Variants in IL20RB observed in about 807,000 individuals in gnomAD.
The protein encoded by IL20RB is interleukin-20 receptor subunit beta.
In IL20RB, 21 loss-of-function variants were observed where a neutral mutation model predicts 33.3. The ratio of observed to expected loss-of-function variants is 0.63; its 90% CI spans 0.45 to 0.91. IL20RB has a LOEUF of 0.91. Among genes scored for constraint, IL20RB ranks in the 40% least tolerant of loss-of-function variants. The probability of loss-of-function intolerance (pLI) is 0.00; values close to 1 mark genes in which losing one functional copy is unlikely to be tolerated. For synonymous variants in IL20RB, 147 were observed against 146.8 expected (o/e 1.00, Z -0.01); for missense variants, 345 against 384.8 (o/e 0.90, Z 0.86).
intron 1 of IL20RB, among the ~76,000 whole-genome samples, chr3:136,973,220 G>A (rs974089216): frequency 3.3e-5 from 5 of 151,660 alleles, no homozygotes; most frequent in South Asian, 2.1e-4. Context: ...AGTGTCTCAC[G>A]CCTGTAATCC....
chr3:136,975,433 G>A (rs997781421), intron 1 of IL20RB, among the ~76,000 whole-genome samples: 1 of 152,048 alleles, frequency 6.6e-6, no homozygotes, highest in Non-Finnish European at 1.5e-5. Context: ...CTGCCTTCCG[G>A]GTTCAAGCAA....
intron 6 of IL20RB, among the ~76,000 whole-genome samples, chr3:137,000,163 T>C (rs1279406781): frequency 1.3e-5 from 2 of 152,216 alleles, no homozygotes; most frequent in East Asian, 3.9e-4. Flanking sequence ...TTTGCTTTAG[T>C]AAGCAGTTAG....
intron 1 of IL20RB, among the ~76,000 whole-genome samples, chr3:136,962,815 G>C (rs1941259392): frequency 6.9e-6 from 1 of 144,594 alleles, no homozygotes; most frequent in Admixed American, 7.1e-5. Context: ...CAGTTTGGAG[G>C]AGACTAACTA....
In IL20RB at chr3:137,010,980, C is replaced by A. The variant is rs1933087523; in HGVS notation, c.*757C>A. ...GTATGTGTGCAATGCGACGAGAATG[C>A]AGAAGTCAGTAACATGTGCATGTTT... On this transcript the variant is annotated 3_prime_UTR_variant, in exon 7 of 7. Coordinates refer to ENST00000329582, the MANE Select transcript of IL20RB (RefSeq NM_144717.4). 6.6e-6 allele frequency: 1 copy of A among 152,240 alleles called. No homozygotes were observed. The highest frequency in any genetic ancestry group is 1.5e-5 in the Non-Finnish European group (1 of 68,052). The allele number at this position is 152,240 out of a possible 1,614,324, so 9.4% of individuals were successfully genotyped here. A position where few individuals can be genotyped will look rare whatever the true frequency, so the allele number is the denominator to read the frequency against.
At chr3:136,961,844 A>G (rs895539313) in intron 1 of IL20RB, among the ~76,000 whole-genome samples, 1 of 152,156 alleles carries the variant, frequency 6.6e-6, no homozygotes, top group Non-Finnish European at 1.5e-5. Flanking sequence ...CTGTAAATCT[A>G]AAATTATTCC....
chr3:136,996,196 A>G (rs1002389845), intron 6 of IL20RB, among the ~76,000 whole-genome samples: 5 of 152,072 alleles, frequency 3.3e-5, no homozygotes, highest in Admixed American at 6.6e-5. Flanking sequence ...TCCAGTGGGT[A>G]TAGGACCCAT....
Position 137,010,238 on chromosome 3 carries a change from C to A in IL20RB, c.*15C>A. ...GGATCTCATAGGTTTGCGGAAGGGC[C>A]CAGGTGAAGCCGAGAACCTGGTCTG... is the stretch of plus-strand genomic sequence containing the variant. On this transcript the variant is annotated 3_prime_UTR_variant, in exon 7 of 7. Transcript: ENST00000329582. The A allele has an allele frequency of 8.2e-7, 1 of 1,222,096 alleles. No homozygotes were observed. Among genetic ancestry groups the A allele is most frequent in the Non-Finnish European group, 1.2e-6 (1 of 823,558 alleles). 75.7% of individuals were successfully genotyped at this position (1,222,096 alleles called of 1,614,324 possible).
At position 136,958,121 on chromosome 3, in the gene IL20RB, CTT is replaced by C; in HGVS notation, c.10_11del (p.Phe4HisfsTer27). ...TCAAACTGAGTCTACCAAATGCAGA[CTT>C]TCACAATGGTTCTAGAAGAAATCTG... On this transcript the variant is annotated frameshift_variant, in exon 1 of 7. Transcript: ENST00000329582. LOFTEE classifies it high-confidence loss of function. The C allele has an allele frequency of 6.2e-7, 1 of 1,601,890 alleles. No individual in the cohort carries two copies. Among genetic ancestry groups the C allele is most frequent in the African/African-American group, 1.3e-5 (1 of 74,776 alleles).
intron 3 of IL20RB, among the ~76,000 whole-genome samples, chr3:136,985,205 G>T (rs374316789): frequency 3.3e-5 from 5 of 152,138 alleles, no homozygotes; most frequent in African/African-American, 1.2e-4. Context: ...CTGGGATGGT[G>T]TCATGATCTC....
intron 6 of IL20RB, among the ~76,000 whole-genome samples, chr3:137,002,075 T>C (rs1031223066): frequency 6.6e-6 from 1 of 152,152 alleles, no homozygotes; most frequent in African/African-American, 2.4e-5. Flanking sequence ...GTTTCCAGCT[T>C]CATCCATGTC....
intron 1 of IL20RB, among the ~76,000 whole-genome samples, chr3:136,958,925 C>CTCTCTCTCTCTCTG (rs1382069464): frequency 1.4e-5 from 2 of 141,826 alleles, no homozygotes; most frequent in East Asian, 4.5e-4. Context: ...CTCTCTCTCT[C>CTCTCTCTCTCTCTG]TCTCTCTGTC....
At chr3:136,982,693 A>G (rs1166151675) in intron 3 of IL20RB, among the ~76,000 whole-genome samples, 1 of 113,348 alleles carries the variant, frequency 8.8e-6, no homozygotes, top group Non-Finnish European at 1.8e-5. Flanking sequence ...GCCTCCATAA[A>G]TTGTGCCTCC....
intron 1 of IL20RB, among the ~76,000 whole-genome samples, chr3:136,978,133 TCTTAA>T (rs1941673774): frequency 6.6e-6 from 1 of 151,728 alleles, no homozygotes; most frequent in Non-Finnish European, 1.5e-5. Context: ...CCCTGCCTGC[TCTTAA>T]CTTGAAGAGA....
chr3:137,003,807 A>C (rs917930246), intron 6 of IL20RB, among the ~76,000 whole-genome samples: 1 of 152,134 alleles, frequency 6.6e-6, no homozygotes, highest in Admixed American at 6.5e-5. Flanking sequence ...CACTATGTTG[A>C]ATAGGAGTGG....
chr3:136,997,934 C>A (rs1202161721), intron 6 of IL20RB, among the ~76,000 whole-genome samples: 1 of 151,942 alleles, frequency 6.6e-6, no homozygotes, highest in Non-Finnish European at 1.5e-5. Flanking sequence ...CCACACCCGG[C>A]TAATTTTTGT....
chr3:136,980,177 A>G (rs1166571916), intron 1 of IL20RB, among the ~76,000 whole-genome samples: 1 of 152,214 alleles, frequency 6.6e-6, no homozygotes, highest in Non-Finnish European at 1.5e-5. Context: ...ATTATTATTA[A>G]TATTGATATG....
chr3:136,980,371 C>T (rs1211078620), intron 1 of IL20RB, 95 bp from the exon 2 acceptor site: 30 of 1,489,704 alleles, frequency 2.0e-5, no homozygotes, highest in South Asian at 4.5e-5. Context: ...CTGCAACCTC[C>T]GCCAGTGAGG....
At chr3:136,994,754 C>T (rs1016128512) in intron 5 of IL20RB, among the ~76,000 whole-genome samples, 2 of 152,170 alleles carry the variant, frequency 1.3e-5, no homozygotes, top group Non-Finnish European at 2.9e-5. Flanking sequence ...TGGAGCCAGT[C>T]CTACCTGGGT....
chr3:137,010,347 T>C lies in IL20RB; in HGVS notation c.*124T>C. 1 of 642,258 alleles carries C rather than the reference T, an allele frequency of 1.6e-6. No individual in the cohort carries two copies. The highest frequency in any genetic ancestry group is 2.9e-6 in the Non-Finnish European group (1 of 350,818). The allele number at this position is 642,258 out of a possible 1,614,324, so 39.8% of individuals were successfully genotyped here. A position where few individuals can be genotyped will look rare whatever the true frequency, so the allele number is the denominator to read the frequency against. ...GATGAGAGAAGTAGGAAGAGCCTGT[T>C]GTCTACAAGTCTAGAAGCAACCATC... On this transcript the variant is annotated 3_prime_UTR_variant, in exon 7 of 7. Transcript: ENST00000329582.
Sources: allele counts gnomAD v4.1 joint callset (sites outside exome capture counted in the v4.1 genomes callset), GRCh38; gene constraint gnomAD v4.1.1; transcripts MANE v1.5; gene names NCBI Gene and HGNC (gene_info 2026-07-23, HGNC 2026-07-21).